ZNF518A: variants seen among roughly 807,000 people sequenced by gnomAD.
ZNF518A encodes the protein zinc finger protein 518.
A neutral mutation model predicts 102.7 loss-of-function variants in ZNF518A; 47 were observed. That is an observed-to-expected ratio of 0.46 (90% CI 0.36 to 0.58). The LOEUF (loss-of-function observed/expected upper bound fraction) is 0.58, where lower values mean the gene tolerates loss of function less well. Ranked by LOEUF, ZNF518A falls within the 20% of genes least tolerant of loss-of-function variation. The pLI, the probability that ZNF518A is intolerant of heterozygous loss-of-function variation, is 0.00. For synonymous variants in ZNF518A, 652 were observed against 594.6 expected, an observed-to-expected ratio of 1.10 and a Z score of -1.40; for missense variants, 1,793 against 1,699.8, an observed-to-expected ratio of 1.05 and a Z score of -0.96.
intron 1 of ZNF518A, among the ~76,000 whole-genome samples, chr10:96,131,295 T>G (rs1554871701): frequency 6.6e-6 from 1 of 152,166 alleles, no homozygotes; most frequent in Non-Finnish European, 1.5e-5. Context: ...GGGGTCTGAT[T>G]TGAGTGTACT....
Position 96,159,194 on chromosome 10 carries a change from C to T in ZNF518A, c.2872C>T (p.Leu958Phe), listed in dbSNP as rs371254676. 3 of 1,613,770 alleles carry T rather than the reference C, an allele frequency of 1.9e-6. No homozygotes were observed. Among genetic ancestry groups the T allele is most frequent in the African/African-American group, 1.3e-5 (1 of 75,026 alleles). ...PGLPVIPGNA[L>F]PLVNSQGIPA... is the part of the protein sequence containing the mutation. ...GCTACCAGTTATTCCTGGAAATGCA[C>T]TTCCATTGGTTAATTCACAAGGTAT... is the stretch of plus-strand genomic sequence containing the variant. Residue 958 changes from leucine to phenylalanine, a missense_variant, in exon 6 of 6, where the codon CTT (leucine) becomes TTT (phenylalanine). Transcript: ENST00000316045.
chr10:96,150,777 C>G (rs1490319574), intron 3 of ZNF518A, among the ~76,000 whole-genome samples: 1 of 67,430 alleles, frequency 1.5e-5, no homozygotes, highest in East Asian at 4.4e-4. Flanking sequence ...GACAGAGTCT[C>G]ACTCTGTCAC....
chr10:96,204,360 T>C (rs2083739693), downstream of ZNF518A: 1 of 803,834 alleles, frequency 1.2e-6, no homozygotes, highest in Non-Finnish European at 2.1e-6. Context: ...TCTGCAACTC[T>C]ACACAGTTAT....
Position 96,158,102 on chromosome 10 carries a change from A to T in ZNF518A, c.1780A>T (p.Thr594Ser). ...TQSHPEVLGTTIKSPDKVNCV... is the reference protein window; with the variant it reads ...TQSHPEVLGTSIKSPDKVNCV... Reference sequence around the variant, plus strand: ...GAGTCACCCCGAGGTATTAGGTACCACCATTAAAAGTCCAGATAAAGTCAA... The same window carrying T: ...GAGTCACCCCGAGGTATTAGGTACCTCCATTAAAAGTCCAGATAAAGTCAA... Residue 594 changes from threonine to serine, a missense_variant, in exon 6 of 6, where the codon ACC (threonine) becomes TCC (serine). Physicochemically the swap from Thr to Ser is moderately conservative, Grantham distance 58 (BLOSUM62 1). Coordinates refer to ENST00000316045, the MANE Select transcript of ZNF518A (RefSeq NM_001330736.2). The T allele has an allele frequency of 6.2e-7, 1 of 1,613,638 alleles. No individual in the cohort carries two copies. Among genetic ancestry groups the T allele is most frequent in the East Asian group, 2.2e-5 (1 of 44,872 alleles).
chr10:96,193,332 T>C (rs782180750), intron 1 of ZNF518A, among the ~76,000 whole-genome samples: 17 of 152,196 alleles, frequency 1.1e-4, no homozygotes, highest in Admixed American at 3.9e-4. Flanking sequence ...GAAAACGAAA[T>C]AGCACAATCT....
intron 1 of ZNF518A, among the ~76,000 whole-genome samples, chr10:96,182,371 A>G (rs2083245327): frequency 6.6e-6 from 1 of 152,178 alleles, no homozygotes; most frequent in Non-Finnish European, 1.5e-5. Context: ...ACTATGTTGA[A>G]TAGGAGTGGT....
intron 1 of ZNF518A, chr10:96,190,308 C>A (rs117745343): frequency 1.6e-6 from 1 of 621,388 alleles, no homozygotes; most frequent in African/African-American, 1.8e-5. Context: ...GATGGAATCA[C>A]GCCAGTAGTA....
At chr10:96,190,776 G>A (rs1432091360) in intron 1 of ZNF518A, among the ~76,000 whole-genome samples, 1 of 152,172 alleles carries the variant, frequency 6.6e-6, no homozygotes, top group East Asian at 1.9e-4. Flanking sequence ...GACAAAGTAT[G>A]ATACATTTCT....
At chr10:96,204,423 G>T, downstream of ZNF518A, 2 of 1,248,316 alleles carry the variant, frequency 1.6e-6, no homozygotes, top group Non-Finnish European at 2.4e-6. Context: ...ATGAAATGTT[G>T]GATTTTTACC....
At chr10:96,188,873 A>C (rs1490574699) in intron 1 of ZNF518A, among the ~76,000 whole-genome samples, 1 of 152,170 alleles carries the variant, frequency 6.6e-6, no homozygotes, top group Non-Finnish European at 1.5e-5. Context: ...TCCAAAATCA[A>C]GGTGCCACCA....
intron 1 of ZNF518A, among the ~76,000 whole-genome samples, chr10:96,195,120 T>C (rs1472428702): frequency 6.6e-6 from 1 of 152,096 alleles, no homozygotes; most frequent in African/African-American, 2.4e-5. Flanking sequence ...TTACACCCAT[T>C]TGGACGGCTA....
Position 96,160,074 on chromosome 10 carries a change from C to G in ZNF518A, c.3752C>G (p.Ser1251Cys). ...IERNFNRKKTSKKIFSKTKTH... is the reference protein window; with the variant it reads ...IERNFNRKKTCKKIFSKTKTH... ...AGGAACTTCAATAGAAAAAAGACTT[C>G]CAAAAAAATTTTTTCAAAAACAAAA... Residue 1251 changes from serine to cysteine, a missense_variant, in exon 6 of 6, where the codon TCC becomes TGC. Ser to Cys is a moderately radical substitution (Grantham distance 112). Transcript: ENST00000316045. 1 of 1,608,474 alleles carries G rather than the reference C, an allele frequency of 6.2e-7. No homozygotes were observed. The highest frequency in any genetic ancestry group is 8.5e-7 in the Non-Finnish European group (1 of 1,178,624).
At position 96,157,110 on chromosome 10, in the gene ZNF518A, C is replaced by A. The variant is rs1176473304; in HGVS notation, c.788C>A (p.Thr263Asn). ...LHIHSGTFPF[T>N]CQYCSYGATR... ...ATTCATTCTGGTACTTTTCCCTTCACTTGTCAATATTGTAGCTATGGTGCC... is the reference window on the plus strand; with the variant it reads ...ATTCATTCTGGTACTTTTCCCTTCAATTGTCAATATTGTAGCTATGGTGCC... Residue 263 changes from threonine (T) to asparagine (N), a missense_variant, in exon 6 of 6, where the codon ACT becomes AAT. Physicochemically the swap from Thr to Asn is moderately conservative, Grantham distance 65 (BLOSUM62 0). Coordinates refer to ENST00000316045, the MANE Select transcript of ZNF518A (RefSeq NM_001330736.2). 10 of 1,613,702 alleles carry A rather than the reference C, an allele frequency of 6.2e-6. No individual in the cohort carries two copies. The highest frequency in any genetic ancestry group is 6.8e-6 in the Non-Finnish European group (8 of 1,179,796).
chr10:96,205,000 G>A, downstream of ZNF518A: 1 of 313,596 alleles, frequency 3.2e-6, no homozygotes, highest in Non-Finnish European at 6.2e-6. Context: ...CACAGGTGGA[G>A]ACAACACCCT....
intron 1 of ZNF518A, among the ~76,000 whole-genome samples, chr10:96,189,207 G>C (rs1334440510): frequency 1.3e-5 from 2 of 152,080 alleles, no homozygotes; most frequent in African/African-American, 2.4e-5. Flanking sequence ...AGGCATTTTG[G>C]ACAACACATT....
intron 3 of ZNF518A, chr10:96,135,126 G>A (rs1286156891): frequency 6.6e-6 from 1 of 152,182 alleles, no homozygotes; most frequent in Non-Finnish European, 1.5e-5. Context: ...TTGAATGCTA[G>A]GACAAAGATA....
chr10:96,197,997 T>C (rs961681829), intron 1 of ZNF518A, among the ~76,000 whole-genome samples: 6 of 150,392 alleles, frequency 4.0e-5, no homozygotes, highest in Admixed American at 3.3e-4. Context: ...AATTTTTTAA[T>C]AAAAATATTT....
chr10:96,140,702 A>G (rs7900016), intron 3 of ZNF518A, among the ~76,000 whole-genome samples: 12,002 of 151,864 alleles, frequency 0.079, 958 homozygotes, highest in African/African-American at 0.21. Flanking sequence ...AGGCTGAGGT[A>G]GGCAAATTGC....
In ZNF518A at chr10:96,159,350, A is replaced by C. The variant is rs781828912; in HGVS notation, c.3028A>C (p.Lys1010Gln). Residue 1010 changes from lysine (K) to glutamine (Q), a missense_variant, in exon 6 of 6, where the codon AAA (lysine) becomes CAA (glutamine). Coordinates refer to ENST00000316045, the MANE Select transcript of ZNF518A (RefSeq NM_001330736.2). ...ARGTVTKEPCKTPILKVEPNN... is the reference protein window; with the variant it reads ...ARGTVTKEPCQTPILKVEPNN... Reference sequence around the variant, plus strand: ...TGGAACTGTGACTAAGGAGCCTTGCAAAACACCTATTTTGAAGGTAGAACC... The same window carrying C: ...TGGAACTGTGACTAAGGAGCCTTGCCAAACACCTATTTTGAAGGTAGAACC... The C allele has an allele frequency of 6.2e-7, 1 of 1,613,816 alleles. No individual in the cohort carries two copies. Among genetic ancestry groups the C allele is most frequent in the Non-Finnish European group, 8.5e-7 (1 of 1,179,778 alleles).
Sources: allele counts gnomAD v4.1 joint callset (sites outside exome capture counted in the v4.1 genomes callset), GRCh38; gene constraint gnomAD v4.1.1; transcripts MANE v1.5; gene names NCBI Gene and HGNC (gene_info 2026-07-23, HGNC 2026-07-21).